The following CSMD2 variants were observed in gnomAD, a reference collection of about 807,000 sequenced individuals.
CSMD2 encodes the protein CUB and Sushi multiple domains 2.
In CSMD2, 130 loss-of-function variants were observed where a neutral mutation model predicts 398.5. The observed-to-expected ratio is 0.33, with a 90% confidence interval of 0.28 to 0.38. CSMD2 has a LOEUF of 0.38. CSMD2 is among the 10% of genes least tolerant of loss of function. The pLI is 1.00. For synonymous variants in CSMD2, 1,828 were observed against 1,908.5 expected (o/e 0.96, Z 1.10); for missense variants, 3,829 against 4,764.9 (o/e 0.80, Z 5.78).
chr1:33,700,990 C>A (rs1239578635), intron 22 of CSMD2, among the ~76,000 whole-genome samples: 1 of 152,232 alleles, frequency 6.6e-6, no homozygotes, highest in Non-Finnish European at 1.5e-5. Flanking sequence ...CCAGCTTACT[C>A]TTTAGCAGCC....
intron 53 of CSMD2, among the ~76,000 whole-genome samples, chr1:33,560,561 A>G (rs1178684449): frequency 6.6e-6 from 1 of 152,166 alleles, no homozygotes; most frequent in Non-Finnish European, 1.5e-5. Flanking sequence ...GTTCCTGCAG[A>G]TATCCCTTAA....
At chr1:34,059,628 CA>C (rs943147145) in intron 2 of CSMD2, among the ~76,000 whole-genome samples, 2 of 152,164 alleles carry the variant, frequency 1.3e-5, no homozygotes, top group African/African-American at 4.8e-5. Context: ...GCAGAGTGAC[CA>C]CATGGCCCAG....
intron 15 of CSMD2, among the ~76,000 whole-genome samples, chr1:33,729,135 T>C (rs555733): frequency 0.38 from 58,088 of 152,030 alleles, 13,806 homozygotes; most frequent in African/African-American, 0.68. Flanking sequence ...GGACTGTGAT[T>C]TCCCCATTTA....
intron 5 of CSMD2, among the ~76,000 whole-genome samples, chr1:33,880,696 A>G (rs1641175861): frequency 3.3e-5 from 5 of 152,210 alleles, no homozygotes; most frequent in Admixed American, 3.3e-4. Flanking sequence ...CAAAGGCATC[A>G]TTCTTGTGGC....
chr1:34,157,042 G>C (rs1006773000), intron 1 of CSMD2, among the ~76,000 whole-genome samples: 1 of 152,110 alleles, frequency 6.6e-6, no homozygotes, highest in Non-Finnish European at 1.5e-5. Context: ...GACTTGATAG[G>C]AGCTGCCCTG....
chr1:34,102,691 C>T (rs1254100763), intron 1 of CSMD2, among the ~76,000 whole-genome samples: 15 of 150,262 alleles, frequency 1.0e-4, no homozygotes, highest in South Asian at 2.1e-4. Flanking sequence ...CCCTGTAATC[C>T]GGCCATGCTG....
At chr1:33,954,070 G>C (rs12023736) in intron 3 of CSMD2, among the ~76,000 whole-genome samples, 1 of 152,070 alleles carries the variant, frequency 6.6e-6, no homozygotes, top group Non-Finnish European at 1.5e-5. Context: ...CTACCCCTTA[G>C]GGTTGCTATG....
Position 34,165,084 on chromosome 1 carries a change from C to T in CSMD2, c.14G>A (p.Arg5Gln), listed in dbSNP as rs1639101863. 1 of 1,214,620 alleles carries T rather than the reference C, an allele frequency of 8.2e-7. No homozygotes were observed. The highest frequency in any genetic ancestry group is 1.0e-6 in the Non-Finnish European group (1 of 976,830). The allele number at this position is 1,214,620 out of a possible 1,614,324, so 75.2% of individuals were successfully genotyped here. The change falls in exon 1 of 71, where the codon CGG becomes CAG. Residue 5 changes from arginine to glutamine, a missense_variant. Arg to Gln is a conservative substitution (Grantham distance 43, BLOSUM62 1). Around this residue, in one of 5 missense-constraint regions of CSMD2, gnomAD observed 184 missense variants for 217.7 expected, o/e 0.85. Transcript: ENST00000373381. Reference protein sequence around the residue: MPRSRGRELGRCGCP... With the variant: MPRSQGRELGRCGCP... The stretch of plus-strand genomic sequence containing the variant: ...GCCGCAGCGCCCCAGCTCCCGTCCC[C>T]GCGAGCGCGGCATGGCGCGGCCGGC...
At chr1:33,936,965 T>C (rs1558130460) in intron 3 of CSMD2, among the ~76,000 whole-genome samples, 2 of 152,216 alleles carry the variant, frequency 1.3e-5, no homozygotes, top group Non-Finnish European at 2.9e-5. Flanking sequence ...AAGTGCAGAC[T>C]TGGAAGCCAC....
chr1:33,856,000 A>C (rs1254847056), intron 5 of CSMD2, among the ~76,000 whole-genome samples: 1 of 152,158 alleles, frequency 6.6e-6, no homozygotes, highest in Non-Finnish European at 1.5e-5. Context: ...ACTGTTTCCT[A>C]GTTGTGTGAA....
chr1:33,554,128 G>A (rs1302460400), intron 55 of CSMD2, among the ~76,000 whole-genome samples: 1 of 150,884 alleles, frequency 6.6e-6, no homozygotes, highest in Admixed American at 6.6e-5. Flanking sequence ...ATCTAGCTAA[G>A]CTAATTGATG....
intron 49 of CSMD2, 57 bp from the exon 50 acceptor site, chr1:33,572,748 C>T: frequency 7.1e-7 from 1 of 1,401,384 alleles, no homozygotes; most frequent in Non-Finnish European, 9.6e-7. Context: ...TTCTGAGAAA[C>T]TATTTTTATC....
At chr1:33,955,437 A>G (rs1645136520) in intron 3 of CSMD2, among the ~76,000 whole-genome samples, 1 of 151,992 alleles carries the variant, frequency 6.6e-6, no homozygotes, top group South Asian at 2.1e-4. Flanking sequence ...AAAAAATAGA[A>G]CACTCAGGAG....
chr1:34,126,985 TAGAG>T (rs1032580460), intron 1 of CSMD2, among the ~76,000 whole-genome samples: 3 of 150,486 alleles, frequency 2.0e-5, no homozygotes, highest in African/African-American at 4.9e-5. Context: ...CAACGGCAGA[TAGAG>T]AGTGAGACCG....
chr1:33,925,072 T>C (rs1294868264), intron 4 of CSMD2, among the ~76,000 whole-genome samples: 5 of 152,192 alleles, frequency 3.3e-5, no homozygotes. Flanking sequence ...CATTTGTCTA[T>C]TTGTGTTTTT....
At chr1:33,545,652 G>T (rs1032893029) in intron 57 of CSMD2, among the ~76,000 whole-genome samples, 12 of 152,140 alleles carry the variant, frequency 7.9e-5, no homozygotes, top group Non-Finnish European at 1.0e-4. Context: ...TGGGTGACCA[G>T]GTTTCAACAT....
At chr1:34,080,079 T>A (rs1405307027) in intron 2 of CSMD2, among the ~76,000 whole-genome samples, 1 of 143,032 alleles carries the variant, frequency 7.0e-6, no homozygotes, top group African/African-American at 2.6e-5. Context: ...TCAATGCATA[T>A]CTGAAAGAAA....
At chr1:33,665,061 A>G (rs1045085742) in intron 25 of CSMD2, among the ~76,000 whole-genome samples, 2 of 152,196 alleles carry the variant, frequency 1.3e-5, no homozygotes, top group Non-Finnish European at 2.9e-5. Context: ...ATGATTTAGT[A>G]AGGTTGGGTA....
intron 14 of CSMD2, among the ~76,000 whole-genome samples, chr1:33,743,056 C>T (rs1180963526): frequency 6.6e-6 from 1 of 152,174 alleles, no homozygotes; most frequent in Non-Finnish European, 1.5e-5. Flanking sequence ...GAGATAAATG[C>T]CCTTCAGAGA....
Sources: allele counts gnomAD v4.1 joint callset (sites outside exome capture counted in the v4.1 genomes callset), GRCh38; gene constraint gnomAD v4.1.1; regional missense constraint gnomAD v4.1.1; transcripts MANE v1.5; gene names NCBI Gene and HGNC (gene_info 2026-07-23, HGNC 2026-07-21).